GRIK2: variants seen among roughly 807,000 people sequenced by gnomAD.
GRIK2 encodes glutamate ionotropic receptor kainate type subunit 2, also known as glutamate receptor ionotropic, kainate 2.
Under a neutral mutation model 100.3 loss-of-function variants are expected in GRIK2, and 32 were observed. The observed-to-expected ratio is 0.32, with a 90% CI of 0.24 to 0.43. GRIK2 has a LOEUF of 0.43. GRIK2 is among the 20% of genes least tolerant of loss of function. The probability of loss-of-function intolerance (pLI) is 1.00; values close to 1 mark genes in which losing one functional copy is unlikely to be tolerated. For synonymous variants in GRIK2, 417 were observed against 389.4 expected, an observed-to-expected ratio of 1.07 and a Z score of -0.83; for missense variants, 843 against 1,114.9, an observed-to-expected ratio of 0.76 and a Z score of 3.47.
chr6:102,053,160 G>A (rs1485297249), intron 15 of GRIK2, among the ~76,000 whole-genome samples: 1 of 151,638 alleles, frequency 6.6e-6, no homozygotes, highest in African/African-American at 2.4e-5. Flanking sequence ...TTGATAACCA[G>A]GTGTGGCCAT....
At chr6:101,827,059 C>G (rs1399498800) in intron 10 of GRIK2, among the ~76,000 whole-genome samples, 1 of 150,052 alleles carries the variant, frequency 6.7e-6, no homozygotes. Flanking sequence ...AGTAGATTTT[C>G]TATAGTTACA....
rs550840795 is a variant in GRIK2, at chr6:101,525,687, C to T, written c.116-96262C>T. ...TCCTTATGCGTTAGGATGAGTCAAA[C>T]TTCCTTGTTTCACAGCCCCCACTTT... is the stretch of plus-strand genomic sequence containing the variant. On this transcript the variant is annotated intron_variant, in intron 2 of 16. Transcript: ENST00000369134. Among the ~76,000 whole-genome samples the T allele has an allele frequency of 3.3e-5, 5 of 152,262 alleles. No individual in the cohort carries two copies. In the South Asian group the frequency reaches 1.0e-3, roughly 32 times the overall value.
chr6:101,826,786 A>T (rs1256221517), intron 10 of GRIK2, among the ~76,000 whole-genome samples: 1 of 151,562 alleles, frequency 6.6e-6, no homozygotes, highest in African/African-American at 2.4e-5. Flanking sequence ...ATACCATTTA[A>T]AAAAAATGAC....
chr6:101,400,223 C>A (rs1349036444), intron 2 of GRIK2, among the ~76,000 whole-genome samples: 1 of 152,146 alleles, frequency 6.6e-6, no homozygotes, highest in Non-Finnish European at 1.5e-5. Flanking sequence ...TAGGTAGTTA[C>A]ATTTTTTTAT....
intron 10 of GRIK2, among the ~76,000 whole-genome samples, chr6:101,835,609 T>G (rs550655619): frequency 6.6e-6 from 1 of 150,874 alleles, no homozygotes; most frequent in African/African-American, 2.4e-5. Flanking sequence ...CAGCTAGGAT[T>G]GCAGGCACCC....
intron 4 of GRIK2, among the ~76,000 whole-genome samples, chr6:101,662,110 G>C (rs1232372432): frequency 6.6e-6 from 1 of 152,196 alleles, no homozygotes; most frequent in Non-Finnish European, 1.5e-5. Context: ...GGCTGCAGTT[G>C]ATTATACCAA....
At chr6:101,592,770 A>G (rs1363379305) in intron 2 of GRIK2, among the ~76,000 whole-genome samples, 3 of 151,352 alleles carry the variant, frequency 2.0e-5, no homozygotes, top group African/African-American at 7.3e-5. Flanking sequence ...TGTGGGAAGA[A>G]GTGGAAGATT....
At chr6:101,888,545 T>C (rs1017572948) in intron 11 of GRIK2, among the ~76,000 whole-genome samples, 1 of 152,150 alleles carries the variant, frequency 6.6e-6, no homozygotes, top group Non-Finnish European at 1.5e-5. Context: ...GAAATATCTT[T>C]CTCCGTAGCC....
At chr6:101,792,797 G>A (rs1779976624) in intron 7 of GRIK2, among the ~76,000 whole-genome samples, 1 of 152,044 alleles carries the variant, frequency 6.6e-6, no homozygotes, top group African/African-American at 2.4e-5. Context: ...ATATCCTGCA[G>A]AGTTTTTTCC....
chr6:102,029,120 TC>T (rs1769854160), intron 14 of GRIK2, among the ~76,000 whole-genome samples: 1 of 151,194 alleles, frequency 6.6e-6, no homozygotes, highest in South Asian at 2.1e-4. Flanking sequence ...CCTGAGTCTT[TC>T]CTGGTGTTCT....
At chr6:101,985,927 A>C (rs1793993166) in intron 14 of GRIK2, among the ~76,000 whole-genome samples, 1 of 151,826 alleles carries the variant, frequency 6.6e-6, no homozygotes, top group South Asian at 2.1e-4. Flanking sequence ...CTTTCTAAAA[A>C]GAGAAAATAA....
chr6:101,890,984 TA>T (rs1404126843), intron 12 of GRIK2, among the ~76,000 whole-genome samples: 1 of 11,818 alleles, frequency 8.5e-5, no homozygotes, highest in African/African-American at 4.3e-3. Context: ...TACATATATA[TA>T]TATATATATA....
intron 2 of GRIK2, 85 bp from the exon 3 acceptor site, chr6:101,621,864 C>T: frequency 1.1e-6 from 1 of 917,716 alleles, no homozygotes; most frequent in South Asian, 1.4e-5. Flanking sequence ...TATAAAAGTA[C>T]AGAAAACTTC....
chr6:101,744,558 A>ATATATATATATC (rs751011648), intron 7 of GRIK2: 37 of 115,020 alleles, frequency 3.2e-4, no homozygotes, highest in African/African-American at 1.3e-3. Flanking sequence ...ATATATATAT[A>ATATATATATATC]TCACAATTTC....
intron 2 of GRIK2, among the ~76,000 whole-genome samples, chr6:101,419,761 C>T (rs1776325344): frequency 6.6e-6 from 1 of 152,106 alleles, no homozygotes; most frequent in Admixed American, 6.5e-5. Flanking sequence ...TCTGACCCTG[C>T]CTTATGTTCC....
chr6:101,592,599 A>G (rs1252421723), intron 2 of GRIK2, among the ~76,000 whole-genome samples: 2 of 106,894 alleles, frequency 1.9e-5, no homozygotes, highest in African/African-American at 9.3e-5. Context: ...ATATATATAT[A>G]TATATATATA....
At chr6:101,591,189 G>T (rs1778622067) in intron 2 of GRIK2, among the ~76,000 whole-genome samples, 1 of 148,788 alleles carries the variant, frequency 6.7e-6, no homozygotes. Flanking sequence ...AATCTTTTTT[G>T]TTCCATTTTT....
chr6:102,026,865 C>T (rs780883847), intron 14 of GRIK2, among the ~76,000 whole-genome samples: 14 of 151,234 alleles, frequency 9.3e-5, no homozygotes, highest in Non-Finnish European at 1.8e-4. Context: ...GATCACTGCA[C>T]TGGACTCAGA....
chr6:101,686,704 G>A (rs987384971), intron 7 of GRIK2, among the ~76,000 whole-genome samples: 3 of 151,966 alleles, frequency 2.0e-5, no homozygotes, highest in Non-Finnish European at 4.4e-5. Context: ...ATCAATATAC[G>A]AATACTCTTC....
Sources: gnomAD v4.1 joint callset for allele counts (sites outside exome capture counted in the v4.1 genomes callset) on GRCh38, gnomAD v4.1.1 for gene constraint, MANE v1.5 for transcripts, NCBI Gene and HGNC (gene_info 2026-07-23, HGNC 2026-07-21) for gene names.